The following COA1 variants were observed in gnomAD, a reference collection of about 807,000 sequenced individuals.
COA1 encodes cytochrome c oxidase assembly factor 1 homolog.
In COA1, 13 loss-of-function variants were observed where a neutral mutation model predicts 16.0. The observed-to-expected ratio is 0.81, with a 90% CI of 0.53 to 1.29. COA1 has a LOEUF of 1.29. COA1 is among the 50% of genes most tolerant of loss of function. COA1 has a pLI of 0.00. For missense variants in COA1, 179 were observed against 177.0 expected (o/e 1.01, Z -0.06); for synonymous variants, 65 against 65.7 (o/e 0.99, Z 0.05).
intron 1 of COA1, among the ~76,000 whole-genome samples, chr7:43,696,656 T>A (rs118180958): frequency 1.3e-5 from 2 of 151,948 alleles, no homozygotes; most frequent in African/African-American, 4.8e-5. Flanking sequence ...GTAGGCTACA[T>A]CCATATATAA....
chr7:43,616,717 G>A (rs898143237), intron 6 of COA1, among the ~76,000 whole-genome samples: 4 of 152,106 alleles, frequency 2.6e-5, no homozygotes, highest in African/African-American at 7.2e-5. Context: ...CTAACACGGT[G>A]AAACCCCGTC....
At chr7:43,610,346 CAA>C (rs138859141) in intron 6 of COA1, among the ~76,000 whole-genome samples, 368 of 41,246 alleles carry the variant, frequency 8.9e-3, no homozygotes, top group South Asian at 0.023. Context: ...GACTCCGTCT[CAA>C]AAAAAAAAAA....
intron 6 of COA1, chr7:43,619,578 G>A: frequency 6.2e-7 from 1 of 1,608,342 alleles, no homozygotes; most frequent in East Asian, 2.2e-5. Context: ...GATTTTTGCG[G>A]GGGTGTATTT....
intron 6 of COA1, among the ~76,000 whole-genome samples, chr7:43,617,425 A>G (rs192086712): frequency 1.6e-3 from 249 of 152,374 alleles, no homozygotes; most frequent in African/African-American, 5.8e-3. Flanking sequence ...GGCAAAGTCT[A>G]GAAATGCTTG....
intron 1 of COA1, among the ~76,000 whole-genome samples, chr7:43,696,800 C>A (rs147720847): frequency 1.3e-5 from 2 of 151,888 alleles, no homozygotes; most frequent in Admixed American, 1.3e-4. Context: ...GGTGCTTCAA[C>A]TGTATCCATT....
chr7:43,613,371 C>T (rs1173410652), intron 6 of COA1, among the ~76,000 whole-genome samples: 1 of 152,140 alleles, frequency 6.6e-6, no homozygotes, highest in Non-Finnish European at 1.5e-5. Flanking sequence ...TTAAAGTTTA[C>T]AGGAGGATGT....
intron 1 of COA1, among the ~76,000 whole-genome samples, chr7:43,668,409 G>T (rs2093026014): frequency 6.6e-6 from 1 of 152,150 alleles, no homozygotes; most frequent in Non-Finnish European, 1.5e-5. Flanking sequence ...CACTCTTGCT[G>T]CACTTTATGC....
chr7:43,658,746 G>C (rs1265531254), intron 1 of COA1: 1 of 152,272 alleles, frequency 6.6e-6, no homozygotes, highest in African/African-American at 2.4e-5. Flanking sequence ...ATTTTAATGT[G>C]GCAGTGAAGA....
intron 3 of COA1, chr7:43,646,531 C>T: frequency 2.2e-6 from 1 of 456,392 alleles, no homozygotes; most frequent in Non-Finnish European, 4.4e-6. Flanking sequence ...TTCAACCATT[C>T]AACCCAGGCA....
intron 1 of COA1, among the ~76,000 whole-genome samples, chr7:43,651,572 G>C (rs1032052201): frequency 2.0e-5 from 3 of 151,766 alleles, no homozygotes; most frequent in Admixed American, 2.0e-4. Context: ...TCACCAGGCG[G>C]ATCAACAGAA....
chr7:43,619,496 C>T lies in COA1; in HGVS notation c.*134-10001G>A, dbSNP rs1583727025. Reference sequence around the variant, plus strand: ...CAAATGACTGTTTACTGTTAAATTCCTCAGTCTCAGTTTCATAGGTGAAAT... The same window carrying T: ...CAAATGACTGTTTACTGTTAAATTCTTCAGTCTCAGTTTCATAGGTGAAAT... On this transcript the variant is annotated intron_variant and NMD_transcript_variant, in intron 6 of 6. Coordinates refer to the COA1 transcript ENST00000415076. The T allele has an allele frequency of 2.9e-6, 4 of 1,396,516 alleles. No individual in the cohort carries two copies. The East Asian group carries it at 7.0e-5, about 24-fold the overall frequency. 86.5% of individuals were successfully genotyped at this position (1,396,516 alleles called of 1,614,324 possible).
intron 1 of COA1, among the ~76,000 whole-genome samples, chr7:43,718,517 G>A (rs948696496): frequency 4.6e-5 from 7 of 152,158 alleles, no homozygotes; most frequent in African/African-American, 9.7e-5. Context: ...CAGGGTTTGG[G>A]ATTTAAAATA....
chr7:43,644,782 GCAGGCAGGCAGAGAGA>G (rs1442477972), intron 4 of COA1, among the ~76,000 whole-genome samples: 3 of 63,188 alleles, frequency 4.7e-5, no homozygotes, highest in African/African-American at 1.8e-4. Flanking sequence ...AGGCAGGCAG[GCAGGCAGGCAGAGAGA>G]CAGAGAGAGA....
chr7:43,622,743 C>G (rs982005385), intron 6 of COA1: 1 of 151,760 alleles, frequency 6.6e-6, no homozygotes, highest in Non-Finnish European at 1.5e-5. Context: ...CCCTATCACC[C>G]AGGCTGGAGT....
chr7:43,709,791 T>G (rs1249582985), intron 1 of COA1, among the ~76,000 whole-genome samples: 1 of 152,212 alleles, frequency 6.6e-6, no homozygotes, highest in Non-Finnish European at 1.5e-5. Context: ...AAATTTATCT[T>G]TTAATGATGT....
intron 6 of COA1, chr7:43,631,644 CTTCT>C (rs918392920): frequency 2.6e-5 from 4 of 152,198 alleles, no homozygotes; most frequent in Non-Finnish European, 5.9e-5. Flanking sequence ...TAAGATTTCA[CTTCT>C]TTCTTGATGC....
At chr7:43,686,395 C>A (rs574108225) in intron 1 of COA1, among the ~76,000 whole-genome samples, 2,179 of 151,282 alleles carry the variant, frequency 0.014, 20 homozygotes, top group Non-Finnish European at 0.023. Context: ...CAAGCTCCGC[C>A]TTCCGGGTTC....
At chr7:43,711,447 ACT>A (rs778159070) in intron 1 of COA1, 20 of 152,144 alleles carry the variant, frequency 1.3e-4, no homozygotes, top group Non-Finnish European at 2.1e-4. Context: ...CCAGAGCGAG[ACT>A]CTGTCAAAAG....
chr7:43,721,534 T>A (rs979274856), intron 1 of COA1, among the ~76,000 whole-genome samples: 2 of 152,198 alleles, frequency 1.3e-5, no homozygotes, highest in African/African-American at 4.8e-5. Flanking sequence ...CATGCTTAGA[T>A]TAAATCCCTA....
Sources: allele counts gnomAD v4.1 joint callset (sites outside exome capture counted in the v4.1 genomes callset), GRCh38; gene constraint gnomAD v4.1.1; transcripts MANE v1.5; gene names NCBI Gene and HGNC (gene_info 2026-07-23, HGNC 2026-07-21).